SEMA5B: variants seen among roughly 807,000 people sequenced by gnomAD.
SEMA5B encodes semaphorin-5B.
In SEMA5B, 66 loss-of-function variants were observed where a neutral mutation model predicts 135.0. That is an observed-to-expected ratio of 0.49 (90% CI 0.40 to 0.60). SEMA5B has a LOEUF of 0.60. Among genes scored for constraint, SEMA5B ranks in the 20% least tolerant of loss-of-function variants. The pLI, the probability that SEMA5B is intolerant of heterozygous loss-of-function variation, is 0.00. For missense variants in SEMA5B, 1,501 were observed against 1,566.3 expected, an observed-to-expected ratio of 0.96 and a Z score of 0.70; for synonymous variants, 690 against 639.5, an observed-to-expected ratio of 1.08 and a Z score of -1.19.
intron 1 of SEMA5B, among the ~76,000 whole-genome samples, chr3:122,971,218 C>A (rs1235679654): frequency 6.6e-6 from 1 of 152,242 alleles, no homozygotes; most frequent in African/African-American, 2.4e-5. Context: ...TTAATGTCTG[C>A]AAACTGGTGG....
At chr3:123,013,058 A>C (rs1318410735) in intron 1 of SEMA5B, among the ~76,000 whole-genome samples, 2 of 152,204 alleles carry the variant, frequency 1.3e-5, no homozygotes, top group Admixed American at 6.5e-5. Context: ...CCAGGGATGG[A>C]GCCAATGCAA....
chr3:122,936,891 G>C (rs1033431188), intron 5 of SEMA5B, among the ~76,000 whole-genome samples: 1 of 152,230 alleles, frequency 6.6e-6, no homozygotes, highest in African/African-American at 2.4e-5. Context: ...TTTCTTTAAG[G>C]AAGAGTGGTT....
At chr3:122,970,471 C>T (rs909653566) in intron 1 of SEMA5B, among the ~76,000 whole-genome samples, 4 of 152,198 alleles carry the variant, frequency 2.6e-5, no homozygotes, top group Admixed American at 6.5e-5. Context: ...GTGATGCTTA[C>T]GGTCTAGGGA....
At chr3:123,019,742 G>A (rs934119875) in intron 1 of SEMA5B, among the ~76,000 whole-genome samples, 16 of 152,202 alleles carry the variant, frequency 1.1e-4, no homozygotes, top group African/African-American at 3.9e-4. Flanking sequence ...GGCATTGAGT[G>A]TTATGGTTCA....
chr3:122,954,220 G>A (rs1576362926), intron 2 of SEMA5B, among the ~76,000 whole-genome samples: 1 of 152,216 alleles, frequency 6.6e-6, no homozygotes, highest in East Asian at 1.9e-4. Context: ...TGCCCACCGT[G>A]GGGCAGTTCT....
chr3:123,007,203 G>T (rs1942336887), intron 1 of SEMA5B, among the ~76,000 whole-genome samples: 1 of 152,068 alleles, frequency 6.6e-6, no homozygotes, highest in Admixed American at 6.5e-5. Flanking sequence ...CCCACTCAGT[G>T]TTAGGGCTGT....
At chr3:122,979,903 C>T (rs1040087503) in intron 1 of SEMA5B, among the ~76,000 whole-genome samples, 1 of 152,180 alleles carries the variant, frequency 6.6e-6, no homozygotes, top group Non-Finnish European at 1.5e-5. Context: ...GTGGATATGA[C>T]TTTATTTTCC....
chr3:122,939,170 C>T (rs1331091624), intron 5 of SEMA5B, among the ~76,000 whole-genome samples: 1 of 152,252 alleles, frequency 6.6e-6, no homozygotes, highest in Non-Finnish European at 1.5e-5. Context: ...TTCTCCCTTC[C>T]TCATTAGCAG....
At chr3:122,993,888 C>T (rs779794757) in intron 1 of SEMA5B, among the ~76,000 whole-genome samples, 2 of 152,094 alleles carry the variant, frequency 1.3e-5, no homozygotes, top group Non-Finnish European at 2.9e-5. Context: ...TCAGCGGCAT[C>T]GCCCCTCCTT....
chr3:122,993,524 A>G (rs1941939347), intron 1 of SEMA5B, among the ~76,000 whole-genome samples: 1 of 152,192 alleles, frequency 6.6e-6, no homozygotes, highest in Non-Finnish European at 1.5e-5. Context: ...CGAGGAAGAG[A>G]AAGAGTGTGT....
chr3:122,967,606 C>T (rs769614430), intron 1 of SEMA5B, among the ~76,000 whole-genome samples: 1 of 152,170 alleles, frequency 6.6e-6, no homozygotes, highest in Non-Finnish European at 1.5e-5. Flanking sequence ...CCAGCCCCCA[C>T]ATCTCCAGGT....
At chr3:122,988,082 C>A (rs1941755906) in intron 1 of SEMA5B, among the ~76,000 whole-genome samples, 1 of 152,168 alleles carries the variant, frequency 6.6e-6, no homozygotes, top group Non-Finnish European at 1.5e-5. Flanking sequence ...GAAACCCTGG[C>A]TGCTGGCCCC....
intron 1 of SEMA5B, among the ~76,000 whole-genome samples, chr3:122,971,773 C>T (rs530039685): frequency 7.2e-5 from 11 of 152,354 alleles, no homozygotes; most frequent in African/African-American, 2.6e-4. Context: ...AGAGCATGGA[C>T]TTGGAATGGG....
chr3:123,001,318 C>T (rs531931770), intron 1 of SEMA5B, among the ~76,000 whole-genome samples: 47 of 152,082 alleles, frequency 3.1e-4, no homozygotes, highest in East Asian at 2.3e-3. Flanking sequence ...GAGCAGCAGG[C>T]GTATCATAGA....
At chr3:122,944,485 A>C (rs976666344) in intron 3 of SEMA5B, among the ~76,000 whole-genome samples, 1 of 152,220 alleles carries the variant, frequency 6.6e-6, no homozygotes, top group African/African-American at 2.4e-5. Flanking sequence ...CTCCAGGCTC[A>C]GTCCAGCACC....
intron 8 of SEMA5B, among the ~76,000 whole-genome samples, chr3:122,927,358 T>TTTTTTA (rs1560308268): frequency 2.0e-5 from 3 of 152,128 alleles, no homozygotes. Flanking sequence ...GGCTGATTTA[T>TTTTTTA]TTTTTATTTT....
intron 1 of SEMA5B, among the ~76,000 whole-genome samples, chr3:122,962,331 G>C (rs1940621588): frequency 6.6e-6 from 1 of 152,244 alleles, no homozygotes; most frequent in South Asian, 2.1e-4. Flanking sequence ...ATCCCGGCCA[G>C]TCATGGCCAC....
At chr3:122,928,652 T>G in intron 6 of SEMA5B, 37 bp from the exon 7 acceptor site, 5 of 1,438,684 alleles carry the variant, frequency 3.5e-6, no homozygotes, top group South Asian at 1.2e-5. Flanking sequence ...AGCACAGCTC[T>G]CCAGGTGCGA....
intron 1 of SEMA5B, among the ~76,000 whole-genome samples, chr3:122,973,255 C>T (rs1453504978): frequency 6.6e-6 from 1 of 152,224 alleles, no homozygotes; most frequent in Non-Finnish European, 1.5e-5. Flanking sequence ...CCTTTACACC[C>T]CTAGCTTCTA....
Sources: gnomAD v4.1 joint callset for allele counts (sites outside exome capture counted in the v4.1 genomes callset) on GRCh38, gnomAD v4.1.1 for gene constraint, MANE v1.5 for transcripts, NCBI Gene and HGNC (gene_info 2026-07-23, HGNC 2026-07-21) for gene names.